ARB2A: variants seen among roughly 807,000 people sequenced by gnomAD.
ARB2A encodes ARB2 cotranscriptional regulator A.
the ARB2A span, chr5:93,776,239 C>T: frequency 6.2e-7 from 1 of 1,609,084 alleles, no homozygotes; most frequent in Non-Finnish European, 8.5e-7. Flanking sequence ...CCAATTACAA[C>T]AGTTCTGCAA....
the ARB2A span, among the ~76,000 whole-genome samples, chr5:93,830,311 GTATATA>G: frequency 0.043 from 3,552 of 82,294 alleles, 326 homozygotes; most frequent in East Asian, 0.18. Flanking sequence ...GTGTGTGTGT[GTATATA>G]TATATATATA....
At chr5:94,042,553 C>G in the ARB2A span, among the ~76,000 whole-genome samples, 2 of 152,234 alleles carry the variant, frequency 1.3e-5, no homozygotes. Flanking sequence ...GATCCACCCA[C>G]CTCGGCCTCT....
At chr5:94,051,115 A>G in the ARB2A span, among the ~76,000 whole-genome samples, 1 of 152,212 alleles carries the variant, frequency 6.6e-6, no homozygotes, top group African/African-American at 2.4e-5. Flanking sequence ...AGACCTCTCT[A>G]GCTATTGCCA....
chr5:94,037,974 T>G, the ARB2A span, among the ~76,000 whole-genome samples: 1 of 152,146 alleles, frequency 6.6e-6, no homozygotes, highest in Non-Finnish European at 1.5e-5. Context: ...ATAAGTGTGA[T>G]CCTATCCATC....
chr5:94,087,851 C>G, the ARB2A span, among the ~76,000 whole-genome samples: 11 of 152,172 alleles, frequency 7.2e-5, no homozygotes, highest in Non-Finnish European at 1.5e-4. Context: ...AGGTTTGGAG[C>G]CTTGGAGCAA....
chr5:93,647,116 T>G, the ARB2A span, among the ~76,000 whole-genome samples: 1 of 152,124 alleles, frequency 6.6e-6, no homozygotes, highest in East Asian at 1.9e-4. Flanking sequence ...TTCAGAAGAT[T>G]TTCCATTGAT....
the ARB2A span, among the ~76,000 whole-genome samples, chr5:93,814,805 G>GT: frequency 6.6e-6 from 1 of 152,152 alleles, no homozygotes; most frequent in Non-Finnish European, 1.5e-5. Flanking sequence ...CCTTGAGGGC[G>GT]TAATATTCAG....
At chr5:93,621,178 C>A in the ARB2A span, 10 of 1,534,228 alleles carry the variant, frequency 6.5e-6, no homozygotes, top group East Asian at 1.8e-4. Flanking sequence ...CGGGGCCAGG[C>A]GCGGTGAGGG....
At chr5:93,961,674 C>T in the ARB2A span, among the ~76,000 whole-genome samples, 75 of 151,714 alleles carry the variant, frequency 4.9e-4, no homozygotes, top group Non-Finnish European at 9.4e-4. Context: ...CAGAGTGAGA[C>T]TCTGTCTCAA....
At chr5:93,978,836 G>C in the ARB2A span, among the ~76,000 whole-genome samples, 10 of 151,938 alleles carry the variant, frequency 6.6e-5, no homozygotes, top group African/African-American at 2.2e-4. Context: ...CAAGATTATA[G>C]ATACCAGTGG....
chr5:93,946,743 T>C, the ARB2A span, among the ~76,000 whole-genome samples: 1 of 152,182 alleles, frequency 6.6e-6, no homozygotes, highest in Non-Finnish European at 1.5e-5. Flanking sequence ...TGATACTATG[T>C]CTTGGTTTTA....
chr5:94,088,828 G>A, the ARB2A span, among the ~76,000 whole-genome samples: 13,534 of 152,184 alleles, frequency 0.089, 770 homozygotes, highest in Middle Eastern at 0.16. Flanking sequence ...TTAAAATGCT[G>A]GGCTAAGGGG....
At chr5:94,002,740 A>G in the ARB2A span, among the ~76,000 whole-genome samples, 1 of 152,056 alleles carries the variant, frequency 6.6e-6, no homozygotes, top group Non-Finnish European at 1.5e-5. Flanking sequence ...TAAAATAATA[A>G]TATATCATTT....
chr5:93,712,399 A>C, the ARB2A span, among the ~76,000 whole-genome samples: 3 of 152,176 alleles, frequency 2.0e-5, no homozygotes, highest in Admixed American at 1.3e-4. Context: ...ATGAATCAGA[A>C]TCTACAGTTG....
the ARB2A span, chr5:93,805,798 C>T: frequency 1.4e-5 from 14 of 985,018 alleles, no homozygotes; most frequent in Non-Finnish European, 1.6e-5. Flanking sequence ...GTCCTATAAA[C>T]GGTTTTCAAT....
the ARB2A span, among the ~76,000 whole-genome samples, chr5:94,110,487 A>G: frequency 2.0e-5 from 3 of 152,324 alleles, no homozygotes; most frequent in East Asian, 5.8e-4. Flanking sequence ...TTTTCAGCGT[A>G]GGATTCACTG....
At chr5:94,097,982 G>A in the ARB2A span, among the ~76,000 whole-genome samples, 1 of 152,060 alleles carries the variant, frequency 6.6e-6, no homozygotes. Flanking sequence ...AACTCCTCCA[G>A]CACAGCAGGT....
chr5:93,625,694 T>C, the ARB2A span, among the ~76,000 whole-genome samples: 2 of 152,186 alleles, frequency 1.3e-5, no homozygotes, highest in Admixed American at 1.3e-4. Flanking sequence ...AATGAGACTA[T>C]AAATCATATG....
the ARB2A span, among the ~76,000 whole-genome samples, chr5:93,802,292 T>C: frequency 3.0e-4 from 45 of 152,026 alleles, no homozygotes; most frequent in Non-Finnish European, 5.7e-4. Context: ...ACTTATTTAT[T>C]AACAGCAATT....
Sources: gnomAD v4.1 joint callset for allele counts (sites outside exome capture counted in the v4.1 genomes callset) on GRCh38, gnomAD v4.1.1 for gene constraint, MANE v1.5 for transcripts, NCBI Gene and HGNC (gene_info 2026-07-23, HGNC 2026-07-21) for gene names.